The following PCDHA9 variants were observed in gnomAD, a reference collection of about 807,000 sequenced individuals.
The protein encoded by PCDHA9 is protocadherin alpha 9.
Under a neutral mutation model 62.0 loss-of-function variants are expected in PCDHA9, and 62 were observed. That is an observed-to-expected ratio of 1.00 (90% confidence interval 0.81 to 1.23). The LOEUF is 1.23. Among genes scored for constraint, PCDHA9 ranks in the 50% most tolerant of loss-of-function variants. PCDHA9 has a pLI of 0.00. For synonymous variants in PCDHA9, 557 were observed against 567.6 expected, an observed-to-expected ratio of 0.98 and a Z score of 0.27; for missense variants, 1,205 against 1,249.8, an observed-to-expected ratio of 0.96 and a Z score of 0.54.
chr5:140,956,562 T>C (rs1395246956), intron 1 of PCDHA9, among the ~76,000 whole-genome samples: 1 of 152,212 alleles, frequency 6.6e-6, no homozygotes, highest in Non-Finnish European at 1.5e-5. Flanking sequence ...CAGTATCTTA[T>C]TGAGGATTTT....
At chr5:140,874,672 C>A (rs2055057233) in intron 1 of PCDHA9, among the ~76,000 whole-genome samples, 1 of 152,126 alleles carries the variant, frequency 6.6e-6, no homozygotes, top group South Asian at 2.1e-4. Flanking sequence ...GAATCTATTC[C>A]TGAGATTTGT....
chr5:140,947,229 GA>G lies in PCDHA9; in HGVS notation c.2395-31711del, dbSNP rs201242412. On this transcript the variant is annotated intron_variant, in intron 1 of 3. Transcript: ENST00000532602. ...AAGAAAATCCTGTCATTTATGACAGGAAAAAAAAATAAGATAATCCAATGTA... is the reference window on the plus strand; with the variant it reads ...AAGAAAATCCTGTCATTTATGACAGGAAAAAAAATAAGATAATCCAATGTA... 1.0e-3 allele frequency among the ~76,000 whole-genome samples: 154 copies of G among 148,902 alleles called. 1 individual carries two copies. The highest frequency in any genetic ancestry group is 8.9e-3 in the Admixed American group (133 of 14,994).
intron 3 of PCDHA9, among the ~76,000 whole-genome samples, chr5:141,008,133 A>G (rs782089475): frequency 6.6e-6 from 1 of 152,208 alleles, no homozygotes; most frequent in Non-Finnish European, 1.5e-5. Context: ...GGGGATGACA[A>G]ATGCTGCTGA....
intron 3 of PCDHA9, among the ~76,000 whole-genome samples, chr5:140,986,050 T>G (rs1221001446): frequency 6.6e-6 from 1 of 152,226 alleles, no homozygotes; most frequent in Non-Finnish European, 1.5e-5. Flanking sequence ...CACTGATGAA[T>G]TCTTTTGCTT....
chr5:140,964,847 C>T (rs2095858231), intron 1 of PCDHA9, among the ~76,000 whole-genome samples: 1 of 152,124 alleles, frequency 6.6e-6, no homozygotes, highest in African/African-American at 2.4e-5. Flanking sequence ...ACTCTGTACC[C>T]TTGAGGAAAC....
intron 1 of PCDHA9, chr5:140,869,704 G>C: frequency 6.2e-7 from 1 of 1,613,400 alleles, no homozygotes; most frequent in Non-Finnish European, 8.5e-7. Flanking sequence ...GAAGTCTCTG[G>C]ATAGAGAGAA....
chr5:140,966,355 G>C (rs2095993623), intron 1 of PCDHA9: 1 of 400,198 alleles, frequency 2.5e-6, no homozygotes, highest in Non-Finnish European at 4.4e-6. Context: ...AGGAGATGGG[G>C]CTGGAGAGGC....
At chr5:140,867,346 ATGAT>A (rs1302874220) in intron 1 of PCDHA9, 5 of 152,256 alleles carry the variant, frequency 3.3e-5, no homozygotes, top group East Asian at 1.9e-4. Context: ...AGAGGCTACT[ATGAT>A]TGATTATTTT....
chr5:140,973,178 G>A (rs188308697), intron 1 of PCDHA9, among the ~76,000 whole-genome samples: 1 of 152,282 alleles, frequency 6.6e-6, no homozygotes, highest in Admixed American at 6.5e-5. Flanking sequence ...CAAACCTTCA[G>A]TTATTTCTGC....
intron 1 of PCDHA9, among the ~76,000 whole-genome samples, chr5:140,954,191 G>C (rs201162017): frequency 2.0e-5 from 3 of 152,150 alleles, no homozygotes; most frequent in Non-Finnish European, 4.4e-5. Flanking sequence ...TCATTGATGG[G>C]CATTTGGGTT....
chr5:140,848,904 CAA>C lies in PCDHA9; in HGVS notation c.412_413del (p.Lys138GlufsTer11). The C allele has an allele frequency of 6.2e-7, 1 of 1,608,060 alleles. No homozygotes were observed. ...NDNPPVFPATQKNLFIAESRP... is the reference protein window; with the variant it reads ...NDNPPVFPATXKNLFIAESRP... ...CAACCCTCCAGTGTTCCCAGCGACA[CAA>C]AAGAATCTGTTCATCGCGGAATCCA... On this transcript the variant is annotated frameshift_variant, in exon 1 of 4. Coordinates refer to ENST00000532602, the MANE Select transcript of PCDHA9 (RefSeq NM_031857.2). LOFTEE classifies it high-confidence loss of function.
At chr5:140,941,167 A>G (rs1352007891) in intron 1 of PCDHA9, among the ~76,000 whole-genome samples, 2 of 144,982 alleles carry the variant, frequency 1.4e-5, no homozygotes, top group Non-Finnish European at 3.1e-5. Flanking sequence ...AAGACTCCCC[A>G]TCTTGAACAT....
intron 1 of PCDHA9, chr5:140,875,191 C>A: frequency 4.0e-6 from 2 of 502,492 alleles, no homozygotes; most frequent in Non-Finnish European, 6.4e-6. Flanking sequence ...TAAGAGTGAC[C>A]CAGGAAGTGG....
chr5:140,882,245 G>A, intron 1 of PCDHA9: 1 of 1,592,614 alleles, frequency 6.3e-7, no homozygotes, highest in Non-Finnish European at 8.6e-7. Context: ...ATTGCAGATA[G>A]CTCTGAGGTT....
At chr5:141,000,743 T>TAA (rs527867626) in intron 3 of PCDHA9, among the ~76,000 whole-genome samples, 3 of 145,408 alleles carry the variant, frequency 2.1e-5, no homozygotes, top group Admixed American at 6.9e-5. Context: ...CTCTGTATAT[T>TAA]AAAAAAAAAA....
chr5:140,993,001 TC>T (rs1554253322), intron 3 of PCDHA9, among the ~76,000 whole-genome samples: 4 of 152,124 alleles, frequency 2.6e-5, no homozygotes, highest in Admixed American at 2.6e-4. Context: ...TGAAAGAGCC[TC>T]CCCAGAGTCC....
intron 1 of PCDHA9, among the ~76,000 whole-genome samples, chr5:140,947,550 G>A (rs967081376): frequency 7.3e-5 from 11 of 151,402 alleles, no homozygotes; most frequent in Admixed American, 3.9e-4. Flanking sequence ...AAAGAATTCC[G>A]CTGGGATTTA....
intron 1 of PCDHA9, among the ~76,000 whole-genome samples, chr5:140,939,903 C>T (rs782506444): frequency 6.6e-6 from 1 of 152,046 alleles, no homozygotes; most frequent in African/African-American, 2.4e-5. Flanking sequence ...ATTCTGCATT[C>T]TTTTTTATTC....
At chr5:140,943,409 T>C (rs1460668622) in intron 1 of PCDHA9, among the ~76,000 whole-genome samples, 1 of 152,078 alleles carries the variant, frequency 6.6e-6, no homozygotes, top group Non-Finnish European at 1.5e-5. Flanking sequence ...AAATTCAGAC[T>C]AGAGGCAAGG....
Sources: allele counts gnomAD v4.1 joint callset (sites outside exome capture counted in the v4.1 genomes callset), GRCh38; gene constraint gnomAD v4.1.1; transcripts MANE v1.5; gene names NCBI Gene and HGNC (gene_info 2026-07-23, HGNC 2026-07-21).